Variants in FBXO25 observed in about 807,000 individuals in gnomAD.
FBXO25 encodes F-box protein 25, also known as F-box only protein 25.
A neutral mutation model predicts 51.9 loss-of-function variants in FBXO25; 45 were observed. The observed-to-expected ratio is 0.87, with a 90% CI of 0.68 to 1.11. The LOEUF is 1.11. Ranked by LOEUF, FBXO25 falls within the 50% of genes most tolerant of loss-of-function variation. The pLI, the probability that FBXO25 is intolerant of heterozygous loss-of-function variation, is 0.00. For synonymous variants in FBXO25, 199 were observed against 151.0 expected (o/e 1.32, Z -2.33); for missense variants, 507 against 428.5 (o/e 1.18, Z -1.62).
chr8:409,053 C>T (rs558172667), intron 1 of FBXO25, among the ~76,000 whole-genome samples: 40 of 152,302 alleles, frequency 2.6e-4, no homozygotes, highest in African/African-American at 9.1e-4. Context: ...CGTGGGTCAT[C>T]ATCATTCTAT....
At chr8:410,751 G>A (rs1011507453) in intron 1 of FBXO25, among the ~76,000 whole-genome samples, 2 of 152,156 alleles carry the variant, frequency 1.3e-5, no homozygotes, top group African/African-American at 2.4e-5. Flanking sequence ...TATCAAAATT[G>A]TGCTGAAATT....
At chr8:447,286 T>C (rs1585067586) in intron 5 of FBXO25, among the ~76,000 whole-genome samples, 1 of 151,766 alleles carries the variant, frequency 6.6e-6, no homozygotes, top group Non-Finnish European at 1.5e-5. Context: ...GAGAGAGTGG[T>C]GGAACTGGGA....
At chr8:407,226 T>C (rs1365360275) in intron 1 of FBXO25, among the ~76,000 whole-genome samples, 160 bp downstream of exon 1, 1 of 112,176 alleles carries the variant, frequency 8.9e-6, no homozygotes, top group East Asian at 2.7e-4. Context: ...AGACATGGGG[T>C]CGCGAGCGCG....
intron 2 of FBXO25, among the ~76,000 whole-genome samples, chr8:420,802 AAG>A (rs1180247151): frequency 1.3e-5 from 2 of 152,060 alleles, no homozygotes; most frequent in Non-Finnish European, 2.9e-5. Context: ...GTTGATGACA[AAG>A]AGAGTCAGAG....
chr8:468,876 G>A lies in FBXO25; in HGVS notation c.*72G>A. 1.2e-5 allele frequency: 18 copies of A among 1,443,188 alleles called. No homozygotes were observed. Among genetic ancestry groups the A allele is most frequent in the Non-Finnish European group, 1.6e-5 (17 of 1,052,582 alleles). 89.4% of individuals were successfully genotyped at this position (1,443,188 alleles called of 1,614,324 possible). Reference sequence around the variant, plus strand: ...GTGCAGGGCTCATAGTGAGTGTTCTGTGAGGTGGGTGGAGACTCCTCGGAA... The same window carrying A: ...GTGCAGGGCTCATAGTGAGTGTTCTATGAGGTGGGTGGAGACTCCTCGGAA... On this transcript the variant is annotated 3_prime_UTR_variant, in exon 10 of 10. Coordinates refer to ENST00000350302, the MANE Select transcript of FBXO25 (RefSeq NM_183420.2).
At chr8:412,516 C>T (rs1417451915) in intron 1 of FBXO25, among the ~76,000 whole-genome samples, 2 of 152,174 alleles carry the variant, frequency 1.3e-5, no homozygotes, top group Non-Finnish European at 2.9e-5. Flanking sequence ...CTTTGTAAAC[C>T]ACAAATCTGA....
In FBXO25 at chr8:471,898, C is replaced by G. The variant is rs1432124398; in HGVS notation, c.*3094C>G. The G allele has an allele frequency of 6.6e-6, 1 of 152,234 alleles. No individual in the cohort carries two copies. The highest frequency in any genetic ancestry group is 6.5e-5 in the Admixed American group (1 of 15,284). 9.4% of individuals were successfully genotyped at this position (152,234 alleles called of 1,614,324 possible). A position where few individuals can be genotyped will look rare whatever the true frequency, so the allele number is the denominator to read the frequency against. On this transcript the variant is annotated 3_prime_UTR_variant, in exon 10 of 10. Coordinates refer to ENST00000350302, the MANE Select transcript of FBXO25 (RefSeq NM_183420.2). ...TACTTTATGGAAAAAATTTAACCATCTGTGAACAGTTTTTTGCCTTAAGTG... is the reference window on the plus strand; with the variant it reads ...TACTTTATGGAAAAAATTTAACCATGTGTGAACAGTTTTTTGCCTTAAGTG...
intron 2 of FBXO25, 59 bp from the exon 3 acceptor site, chr8:431,282 A>G (rs1797806177): frequency 2.2e-6 from 2 of 918,988 alleles, no homozygotes; most frequent in Non-Finnish European, 3.4e-6. Context: ...TTTACAAAAG[A>G]AAAGCCAAAT....
At position 474,920 on chromosome 8, in the gene FBXO25, T is replaced by A. The variant is rs1260401687; in HGVS notation, c.*6116T>A. The A allele has an allele frequency of 2.2e-6, 1 of 455,962 alleles. No individual in the cohort carries two copies. The highest frequency in any genetic ancestry group is 1.6e-5 in the South Asian group (1 of 64,392). 28.2% of individuals were successfully genotyped at this position (455,962 alleles called of 1,614,324 possible). A position where few individuals can be genotyped will look rare whatever the true frequency, so the allele number is the denominator to read the frequency against. On this transcript the variant is annotated 3_prime_UTR_variant, in exon 10 of 10. Transcript: ENST00000350302. ...CCTTTTCAGATATATCATTTTAAAATACTTTGTCCCATTCCGTGGATTGCC... is the reference window on the plus strand; with the variant it reads ...CCTTTTCAGATATATCATTTTAAAAAACTTTGTCCCATTCCGTGGATTGCC...
intron 2 of FBXO25, among the ~76,000 whole-genome samples, chr8:418,991 C>G (rs1278519647): frequency 2.0e-5 from 3 of 152,026 alleles, no homozygotes; most frequent in African/African-American, 4.8e-5. Flanking sequence ...GCTTACCACA[C>G]AAAAACCACA....
chr8:450,337 G>C (rs1006372653), intron 6 of FBXO25, among the ~76,000 whole-genome samples: 6 of 152,016 alleles, frequency 3.9e-5, no homozygotes, highest in African/African-American at 1.2e-4. Context: ...ACTTAAAAAA[G>C]CTATTTTACT....
At position 447,101 on chromosome 8, in the gene FBXO25, C is replaced by T. The variant is rs190552861; in HGVS notation, c.382-2889C>T. 7.4e-4 allele frequency among the ~76,000 whole-genome samples: 113 copies of T among 152,292 alleles called. 1 individual carries two copies. The highest frequency in any genetic ancestry group is 2.6e-3 in the African/African-American group (110 of 41,562). ...CAGGGCCAGGTCTAGAAGTCGAGCC[C>T]CACATACCCTGTGCACTGAGAGGCT... On this transcript the variant is annotated intron_variant, in intron 5 of 9. Transcript: ENST00000350302.
chr8:431,939 C>G (rs181773307), intron 3 of FBXO25, among the ~76,000 whole-genome samples: 30 of 152,284 alleles, frequency 2.0e-4, no homozygotes, highest in African/African-American at 6.3e-4. Context: ...TCCCTTACCT[C>G]AGGGGATAGA....
At chr8:440,883 C>T (rs1326196774) in intron 5 of FBXO25, among the ~76,000 whole-genome samples, 1 of 143,968 alleles carries the variant, frequency 6.9e-6, no homozygotes, top group Non-Finnish European at 1.5e-5. Flanking sequence ...TAATGGTTTC[C>T]AGTTTCATCC....
At chr8:439,137 G>C (rs1409529332) in intron 5 of FBXO25, among the ~76,000 whole-genome samples, 3 of 152,148 alleles carry the variant, frequency 2.0e-5, no homozygotes, top group Non-Finnish European at 4.4e-5. Context: ...AGTAGAACTG[G>C]GTCCTGATCC....
At position 474,320 on chromosome 8, in the gene FBXO25, TTTTG is replaced by T. The variant is rs780445902; in HGVS notation, c.*5522_*5525del. ...AGGCTGATTCTATGGATGGACCACATTTTGTTTGTGTACTCATCTGTTGAGGACA... is the reference window on the plus strand; with the variant it reads ...AGGCTGATTCTATGGATGGACCACATTTTGTGTACTCATCTGTTGAGGACA... On this transcript the variant is annotated 3_prime_UTR_variant, in exon 10 of 10. Coordinates refer to ENST00000350302, the MANE Select transcript of FBXO25 (RefSeq NM_183420.2). 8.0e-5 allele frequency: 15 copies of T among 188,662 alleles called. No individual in the cohort carries two copies. Among genetic ancestry groups the T allele is most frequent in the Non-Finnish European group, 1.4e-4 (13 of 92,464 alleles). The allele number at this position is 188,662 out of a possible 1,614,324, so 11.7% of individuals were successfully genotyped here.
At chr8:459,160 A>C (rs1298784001) in intron 8 of FBXO25, among the ~76,000 whole-genome samples, 1 of 152,196 alleles carries the variant, frequency 6.6e-6, no homozygotes, top group Admixed American at 6.5e-5. Flanking sequence ...TCGTCACCCC[A>C]CAGATGTCCA....
At chr8:459,549 C>G (rs960581940) in intron 8 of FBXO25, among the ~76,000 whole-genome samples, 2 of 152,182 alleles carry the variant, frequency 1.3e-5, no homozygotes, top group African/African-American at 4.8e-5. Context: ...GGAGTGGATA[C>G]AAGAGGATCC....
chr8:474,649 G>T lies in FBXO25; in HGVS notation c.*5845G>T, dbSNP rs1433623464. ...GACTGGTGATGCTGAGTATCTGTTT[G>T]TTGGCCGTTTATATGTCGTCTTTGG... On this transcript the variant is annotated 3_prime_UTR_variant, in exon 10 of 10. Transcript: ENST00000350302. 2.3e-6 allele frequency: 1 copy of T among 440,232 alleles called. No homozygotes were observed. The highest frequency in any genetic ancestry group is 1.6e-5 in the South Asian group (1 of 60,624). The allele number at this position is 440,232 out of a possible 1,614,324, so 27.3% of individuals were successfully genotyped here. A position where few individuals can be genotyped will look rare whatever the true frequency, so the allele number is the denominator to read the frequency against.
Sources: gnomAD v4.1 joint callset for allele counts (sites outside exome capture counted in the v4.1 genomes callset) on GRCh38, gnomAD v4.1.1 for gene constraint, MANE v1.5 for transcripts, NCBI Gene and HGNC (gene_info 2026-07-23, HGNC 2026-07-21) for gene names.